RAB22A: variants seen among roughly 807,000 people sequenced by gnomAD.
The protein encoded by RAB22A is RAB22A, member RAS oncogene family, also known as ras-related protein Rab-22A.
RAB22A carries 13 observed loss-of-function variants against 30.2 expected under a neutral mutation model. The observed-to-expected ratio is 0.43, with a 90% CI of 0.28 to 0.68. RAB22A has a LOEUF of 0.68. Ranked by LOEUF, RAB22A falls within the 30% of genes least tolerant of loss-of-function variation. RAB22A has a pLI of 0.18. For missense variants in RAB22A, 177 were observed against 246.8 expected, an observed-to-expected ratio of 0.72 and a Z score of 1.89; for synonymous variants, 89 against 87.2, an observed-to-expected ratio of 1.02 and a Z score of -0.11.
At position 58,309,902 on chromosome 20, in the gene RAB22A, G is replaced by A. The variant is rs1600719496; in HGVS notation, c.-75G>A. 3 of 1,228,292 alleles carry A rather than the reference G, an allele frequency of 2.4e-6. No individual in the cohort carries two copies. The allele number at this position is 1,228,292 out of a possible 1,614,324, so 76.1% of individuals were successfully genotyped here. ...CCGTGCGGCGGCAGCGGCGCCAGGGGATGCTCTTGCTGGGCCTGGCCTCTC... is the reference window on the plus strand; with the variant it reads ...CCGTGCGGCGGCAGCGGCGCCAGGGAATGCTCTTGCTGGGCCTGGCCTCTC... On this transcript the variant is annotated 5_prime_UTR_variant, in exon 1 of 7. Transcript: ENST00000244040.
At chr20:58,338,052 A>AG (rs1986790204) in intron 2 of RAB22A, among the ~76,000 whole-genome samples, 2 of 151,440 alleles carry the variant, frequency 1.3e-5, no homozygotes, top group South Asian at 4.2e-4. Flanking sequence ...TTTGAGACGG[A>AG]TCTCGCTCTT....
chr20:58,344,551 A>G lies in RAB22A; in HGVS notation c.198+752A>G, dbSNP rs1337917503. Among the ~76,000 whole-genome samples, 4 of 152,236 alleles carry G rather than the reference A, an allele frequency of 2.6e-5. No individual in the cohort carries two copies. In the South Asian group the frequency reaches 6.2e-4, roughly 24 times the overall value. ...GGTACTAAGTCCAATTTCCCTTCCA[A>G]GGTGTCTCTGGCAGCCACCCCATTA... On this transcript the variant is annotated intron_variant, in intron 3 of 6. Coordinates refer to ENST00000244040, the MANE Select transcript of RAB22A (RefSeq NM_020673.3).
chr20:58,350,607 G>T (rs931431082), intron 3 of RAB22A, among the ~76,000 whole-genome samples: 1 of 152,152 alleles, frequency 6.6e-6, no homozygotes, highest in Admixed American at 6.6e-5. Flanking sequence ...ACACATAAAC[G>T]CCGGAGACCA....
intron 2 of RAB22A, among the ~76,000 whole-genome samples, chr20:58,339,929 G>C (rs1986826345): frequency 6.6e-6 from 1 of 152,142 alleles, no homozygotes; most frequent in Admixed American, 6.5e-5. Flanking sequence ...CCAGAGCTCG[G>C]GAGGCGCCAC....
intron 2 of RAB22A, among the ~76,000 whole-genome samples, chr20:58,326,810 T>G (rs947462939): frequency 6.6e-6 from 1 of 152,160 alleles, no homozygotes; most frequent in African/African-American, 2.4e-5. Context: ...TTCCTTCTAG[T>G]TTTTTCCATG....
intron 2 of RAB22A, among the ~76,000 whole-genome samples, chr20:58,324,730 G>C (rs1036455174): frequency 2.0e-5 from 3 of 151,478 alleles, no homozygotes; most frequent in African/African-American, 7.3e-5. Flanking sequence ...AGCTGGGCAT[G>C]GGGGCACATG....
chr20:58,316,835 A>G (rs1287019499), intron 2 of RAB22A, among the ~76,000 whole-genome samples: 1 of 152,130 alleles, frequency 6.6e-6, no homozygotes, highest in Non-Finnish European at 1.5e-5. Flanking sequence ...GGGTAGAGGA[A>G]AGGACCAACT....
rs988905172 is a variant in RAB22A at position 58,365,303 on chromosome 20, C to T, written c.*5600C>T. 5 of 152,192 alleles carry T rather than the reference C, an allele frequency of 3.3e-5. No homozygotes were observed. Among genetic ancestry groups the T allele is most frequent in the African/African-American group, 9.6e-5 (4 of 41,458 alleles). 9.4% of individuals were successfully genotyped at this position (152,192 alleles called of 1,614,324 possible). A position where few individuals can be genotyped will look rare whatever the true frequency, so the allele number is the denominator to read the frequency against. On this transcript the variant is annotated 3_prime_UTR_variant, in exon 7 of 7. Transcript: ENST00000244040. Reference sequence around the variant, plus strand: ...GTAGAAGAGCTGGGCATACCTCTTCCTCTAGGCCAATTCAGAGGCCACTGG... The same window carrying T: ...GTAGAAGAGCTGGGCATACCTCTTCTTCTAGGCCAATTCAGAGGCCACTGG...
chr20:58,332,540 T>G (rs1986679876), intron 2 of RAB22A, among the ~76,000 whole-genome samples: 1 of 152,142 alleles, frequency 6.6e-6, no homozygotes, highest in Admixed American at 6.5e-5. Context: ...AATGTCCATA[T>G]AAAGTCAGAT....
intron 6 of RAB22A, among the ~76,000 whole-genome samples, chr20:58,358,899 A>C (rs940195344): frequency 6.6e-6 from 1 of 151,682 alleles, no homozygotes; most frequent in Non-Finnish European, 1.5e-5. Context: ...CTGTCTCAAA[A>C]AAAAAAAAAA....
intron 2 of RAB22A, 70 bp downstream of exon 2, chr20:58,311,192 A>G: frequency 7.4e-7 from 1 of 1,357,962 alleles, no homozygotes; most frequent in Non-Finnish European, 1.1e-6. Context: ...AGTGTGTTAC[A>G]GGTGTAGGCC....
rs1987221288 is a variant in RAB22A, at chr20:58,361,317, A to G, written c.*1614A>G. 1 of 152,568 alleles carries G rather than the reference A, an allele frequency of 6.6e-6. No homozygotes were observed. Among genetic ancestry groups the G allele is most frequent in the African/African-American group, 2.4e-5 (1 of 41,444 alleles). The allele number at this position is 152,568 out of a possible 1,614,324, so 9.5% of individuals were successfully genotyped here. ...TAATTGGTATTATTTTGTGCCCCCC[A>G]CTTAATATGGATAGATTTTAATGGG... On this transcript the variant is annotated 3_prime_UTR_variant, in exon 7 of 7. Coordinates refer to ENST00000244040, the MANE Select transcript of RAB22A (RefSeq NM_020673.3).
chr20:58,354,014 G>A (rs574003796), intron 5 of RAB22A, 142 bp from the exon 6 acceptor site: 14 of 555,948 alleles, frequency 2.5e-5, no homozygotes, highest in Admixed American at 1.6e-4. Context: ...TGGTGTAATC[G>A]AGAAGACCAT....
chr20:58,348,075 A>C (rs940184534), intron 3 of RAB22A, among the ~76,000 whole-genome samples: 3 of 152,130 alleles, frequency 2.0e-5, no homozygotes, highest in African/African-American at 7.2e-5. Context: ...AAAAATACAA[A>C]AATTAGCCAG....
intron 3 of RAB22A, among the ~76,000 whole-genome samples, chr20:58,351,261 G>A (rs1407534239): frequency 5.9e-5 from 9 of 151,538 alleles, no homozygotes; most frequent in African/African-American, 1.2e-4. Flanking sequence ...GCTTGAACCC[G>A]GCAGGCAGAG....
intron 2 of RAB22A, among the ~76,000 whole-genome samples, chr20:58,334,599 T>G (rs1986713733): frequency 6.6e-6 from 1 of 152,076 alleles, no homozygotes; most frequent in Non-Finnish European, 1.5e-5. Context: ...TTCTGGTCAT[T>G]GGAGATGTCA....
intron 2 of RAB22A, among the ~76,000 whole-genome samples, chr20:58,331,658 C>CT (rs898974839): frequency 1.4e-4 from 21 of 149,212 alleles, no homozygotes; most frequent in East Asian, 5.9e-4. Flanking sequence ...ATTATCTTGA[C>CT]TTTTTTTTTT....
intron 6 of RAB22A, among the ~76,000 whole-genome samples, chr20:58,354,890 T>A (rs760204141): frequency 2.6e-5 from 4 of 152,224 alleles, no homozygotes; most frequent in Admixed American, 1.3e-4. Context: ...GCGCACATTC[T>A]ACAGAGGGAA....
At chr20:58,324,354 T>G (rs950719035) in intron 2 of RAB22A, among the ~76,000 whole-genome samples, 1 of 152,188 alleles carries the variant, frequency 6.6e-6, no homozygotes, top group Non-Finnish European at 1.5e-5. Context: ...TTCCAATTTA[T>G]TGACATAAAG....
Sources: allele counts gnomAD v4.1 joint callset (sites outside exome capture counted in the v4.1 genomes callset), GRCh38; gene constraint gnomAD v4.1.1; transcripts MANE v1.5; gene names NCBI Gene and HGNC (gene_info 2026-07-23, HGNC 2026-07-21).